The following FER variants were observed in gnomAD, a reference collection of about 807,000 sequenced individuals.
FER encodes the protein tyrosine-protein kinase Fer.
FER carries 63 observed loss-of-function variants against 111.0 expected under a neutral mutation model. That is an observed-to-expected ratio of 0.57 (90% CI 0.46 to 0.70). The LOEUF (loss-of-function observed/expected upper bound fraction) is 0.70, where lower values mean the gene tolerates loss of function less well. Ranked by LOEUF, FER falls within the 30% of genes least tolerant of loss-of-function variation. FER has a pLI of 0.00. For synonymous variants in FER, 327 were observed against 313.9 expected, an observed-to-expected ratio of 1.04 and a Z score of -0.44; for missense variants, 914 against 954.0, an observed-to-expected ratio of 0.96 and a Z score of 0.55.
In FER at chr5:109,131,945, A is replaced by G. The variant is rs550651745; in HGVS notation, c.2048+31426A>G. Among the ~76,000 whole-genome samples, 6 of 152,288 alleles carry G rather than the reference A, an allele frequency of 3.9e-5. 1 individual carries two copies. In the South Asian group the frequency reaches 1.2e-3, roughly 32 times the overall value. On this transcript the variant is annotated intron_variant, in intron 17 of 19. Coordinates refer to ENST00000281092, the MANE Select transcript of FER (RefSeq NM_005246.4). ...ATCCAGTTAAAATTCAGGCTTTGCT[A>G]CTTGTCCAGCATCTTCTCAATCTCA...
intron 13 of FER, among the ~76,000 whole-genome samples, chr5:108,975,943 T>C (rs931272430): frequency 6.6e-6 from 1 of 152,134 alleles, no homozygotes; most frequent in Admixed American, 6.5e-5. Flanking sequence ...GGGGGCATGC[T>C]AAGTTTTACA....
chr5:108,893,844 A>G (rs1748593033), intron 9 of FER, among the ~76,000 whole-genome samples: 1 of 152,158 alleles, frequency 6.6e-6, no homozygotes, highest in South Asian at 2.1e-4. Context: ...GTTCCTACTT[A>G]CAGTGGAGGA....
chr5:108,868,992 AT>A (rs557221737), intron 6 of FER, among the ~76,000 whole-genome samples: 250 of 151,194 alleles, frequency 1.7e-3, no homozygotes, highest in African/African-American at 5.6e-3. Flanking sequence ...TTGTGTGAAC[AT>A]TTTTTTTTGT....
chr5:109,044,333 C>T (rs1025753320), intron 14 of FER, among the ~76,000 whole-genome samples: 14 of 151,888 alleles, frequency 9.2e-5, no homozygotes, highest in African/African-American at 3.4e-4. Flanking sequence ...CGCCCGCCAC[C>T]ATGCTCAGCT....
chr5:109,041,821 C>T (rs1380533257), intron 14 of FER, among the ~76,000 whole-genome samples: 3 of 152,014 alleles, frequency 2.0e-5, no homozygotes, highest in Admixed American at 2.0e-4. Context: ...CTGAGAGTTT[C>T]AGGAATGTGG....
rs181421972 is a variant in FER, at chr5:108,810,237, A to G, written c.207+11848A>G. Among the ~76,000 whole-genome samples, 15 of 152,218 alleles carry G rather than the reference A, an allele frequency of 9.9e-5. 1 individual carries two copies. In the East Asian group the frequency reaches 2.5e-3, roughly 26 times the overall value. ...GGCTTTTGTATTGGGCTTTCTTTAT[A>G]TATAAGCCAGTACATAGCGCTTATA... is the stretch of plus-strand genomic sequence containing the variant. On this transcript the variant is annotated intron_variant, in intron 3 of 19. Coordinates refer to ENST00000281092, the MANE Select transcript of FER (RefSeq NM_005246.4).
intron 16 of FER, 42 bp from the exon 17 acceptor site, chr5:109,100,354 C>T (rs749047608): frequency 6.2e-7 from 1 of 1,600,214 alleles, no homozygotes; most frequent in Non-Finnish European, 8.5e-7. Context: ...ATGTGACTTT[C>T]ATCATAACTT....
At chr5:108,987,195 C>T (rs1254552810) in intron 13 of FER, among the ~76,000 whole-genome samples, 1 of 152,098 alleles carries the variant, frequency 6.6e-6, no homozygotes, top group Non-Finnish European at 1.5e-5. Flanking sequence ...CCTGTAATCC[C>T]AGCACTTTGG....
At chr5:109,106,351 A>AT (rs201251946) in intron 17 of FER, among the ~76,000 whole-genome samples, 2,592 of 151,966 alleles carry the variant, frequency 0.017, 61 homozygotes, top group African/African-American at 0.059. Context: ...AAGAGTTTGA[A>AT]TTTTTTTTCA....
intron 8 of FER, 122 bp downstream of exon 8, chr5:108,872,334 G>A: frequency 1.1e-6 from 1 of 890,976 alleles, no homozygotes; most frequent in Non-Finnish European, 1.6e-6. Flanking sequence ...TGGGGTCAGA[G>A]TGACATGTTT....
intron 17 of FER, among the ~76,000 whole-genome samples, chr5:109,153,510 C>A (rs1755064597): frequency 6.6e-6 from 1 of 151,810 alleles, no homozygotes; most frequent in Non-Finnish European, 1.5e-5. Flanking sequence ...GCTAACAATT[C>A]CAGTATATCA....
intron 2 of FER, among the ~76,000 whole-genome samples, chr5:108,793,506 T>C (rs1030372173): frequency 8.9e-6 from 1 of 112,520 alleles, no homozygotes; most frequent in Admixed American, 8.7e-5. Context: ...TATCTATTTT[T>C]TTTTTGGCGG....
At chr5:108,913,071 A>G (rs1751776014) in intron 10 of FER, among the ~76,000 whole-genome samples, 1 of 152,234 alleles carries the variant, frequency 6.6e-6, no homozygotes, top group African/African-American at 2.4e-5. Context: ...CAAATACCTC[A>G]GTAAATGAAA....
rs1759287311 is a variant in FER, at chr5:109,190,288, G to A, written c.*2713G>A. The stretch of plus-strand genomic sequence containing the variant: ...TGATTTGTTTAGTAAGAAAAGAGTT[G>A]TAACCAAAATTTCTTCTGGTCCGGA... On this transcript the variant is annotated 3_prime_UTR_variant, in exon 20 of 20. Transcript: ENST00000281092. 6.6e-6 allele frequency: 1 copy of A among 152,038 alleles called. No homozygotes were observed. Among genetic ancestry groups the A allele is most frequent in the Non-Finnish European group, 1.5e-5 (1 of 67,998 alleles). The allele number at this position is 152,038 out of a possible 1,614,324, so 9.4% of individuals were successfully genotyped here.
chr5:108,973,148 C>A (rs1760887904), intron 13 of FER, among the ~76,000 whole-genome samples: 1 of 151,900 alleles, frequency 6.6e-6, no homozygotes, highest in African/African-American at 2.4e-5. Flanking sequence ...AAATTAAAGC[C>A]CTGTATTAAC....
chr5:108,926,070 C>CT (rs147982823), intron 10 of FER, among the ~76,000 whole-genome samples: 11 of 150,316 alleles, frequency 7.3e-5, no homozygotes, highest in South Asian at 4.2e-4. Flanking sequence ...TAATATTTTT[C>CT]TTTTTTTTTA....
intron 8 of FER, among the ~76,000 whole-genome samples, chr5:108,872,737 G>T (rs1434548344): frequency 6.6e-6 from 1 of 152,078 alleles, no homozygotes; most frequent in African/African-American, 2.4e-5. Context: ...ATCACAATGT[G>T]TTTTTAGTTC....
rs1165401708 is a variant in FER, at chr5:108,879,699, A to ATATATATATATATATATATATATATATAT, written c.924-3697_924-3696insTATATATATATATATATATATATATATAT. 9.1e-4 allele frequency among the ~76,000 whole-genome samples: 85 copies of ATATATATATATATATATATATATATATAT among 93,360 alleles called. 1 individual carries two copies. Among genetic ancestry groups the ATATATATATATATATATATATATATATAT allele is most frequent in the African/African-American group, 1.8e-3 (31 of 16,896 alleles). The allele number at this position is 93,360 out of a possible 152,430, so 61.2% of individuals were successfully genotyped here. On this transcript the variant is annotated intron_variant, in intron 8 of 19. Coordinates refer to ENST00000281092, the MANE Select transcript of FER (RefSeq NM_005246.4). ...ATATGTATTTTTTTTAGATTAAAAA[A>ATATATATATATATATATATATATATATAT]AAATATATATATATATATATATATA...
At chr5:108,918,483 G>GT (rs1233989359) in intron 10 of FER, among the ~76,000 whole-genome samples, 2 of 148,698 alleles carry the variant, frequency 1.3e-5, no homozygotes, top group Non-Finnish European at 3.0e-5. Flanking sequence ...CTGGGTGTGT[G>GT]TTTTTTCTTT....
Sources: allele counts gnomAD v4.1 joint callset (sites outside exome capture counted in the v4.1 genomes callset), GRCh38; gene constraint gnomAD v4.1.1; transcripts MANE v1.5; gene names NCBI Gene and HGNC (gene_info 2026-07-23, HGNC 2026-07-21).